The following UQCC1 variants were observed in gnomAD, a reference collection of about 807,000 sequenced individuals.
UQCC1 encodes the protein ubiquinol-cytochrome c reductase complex assembly factor 1, also known as bFGF-repressed Zic-binding protein.
Under a neutral mutation model 48.0 loss-of-function variants are expected in UQCC1, and 38 were observed. That is an observed-to-expected ratio of 0.79 (90% CI 0.61 to 1.04). The LOEUF is 1.04. Ranked by LOEUF, UQCC1 falls within the 50% of genes least tolerant of loss-of-function variation. The pLI is 0.00. For synonymous variants in UQCC1, 111 were observed against 129.2 expected (o/e 0.86, Z 0.95); for missense variants, 368 against 381.8 (o/e 0.96, Z 0.30).
At chr20:35,371,570 G>C (rs1330801867) in intron 5 of UQCC1, among the ~76,000 whole-genome samples, 1 of 151,682 alleles carries the variant, frequency 6.6e-6, no homozygotes, top group Non-Finnish European at 1.5e-5. Context: ...GACCTCAAGT[G>C]ATTCACCCAC....
chr20:35,394,211 T>C lies in UQCC1; in HGVS notation c.25-15A>G. The C allele has an allele frequency of 6.2e-7, 1 of 1,602,868 alleles. No individual in the cohort carries two copies. Among genetic ancestry groups the C allele is most frequent in the East Asian group, 2.2e-5 (1 of 44,800 alleles). On this transcript the variant is annotated splice_polypyrimidine_tract_variant and intron_variant, in intron 1 of 9. Coordinates refer to ENST00000374385, the MANE Select transcript of UQCC1 (RefSeq NM_018244.5). ...GTCTGGTTCCTCTAAAGAAAGAAAATAATAATCTGTCAGGAATCTAAATCA... is the reference window on the plus strand; with the variant it reads ...GTCTGGTTCCTCTAAAGAAAGAAAACAATAATCTGTCAGGAATCTAAATCA...
chr20:35,366,693 C>A (rs943709686), intron 5 of UQCC1, 79 bp from the exon 6 acceptor site: 9 of 1,262,140 alleles, frequency 7.1e-6, no homozygotes, highest in South Asian at 6.3e-5. Flanking sequence ...TTGGCAGGCA[C>A]GGCACTTATG....
intron 4 of UQCC1, among the ~76,000 whole-genome samples, chr20:35,378,169 C>T (rs898180324): frequency 2.0e-5 from 3 of 152,160 alleles, no homozygotes; most frequent in African/African-American, 7.2e-5. Context: ...TTTTAGAAGA[C>T]TTCATCAGTC....
intron 4 of UQCC1, among the ~76,000 whole-genome samples, chr20:35,380,161 A>G (rs1291070375): frequency 2.6e-5 from 4 of 152,212 alleles, no homozygotes; most frequent in Non-Finnish European, 5.9e-5. Flanking sequence ...AACAAAACAT[A>G]TACTTTAAGT....
At chr20:35,361,948 T>C (rs1430060527) in intron 6 of UQCC1, among the ~76,000 whole-genome samples, 1 of 152,228 alleles carries the variant, frequency 6.6e-6, no homozygotes, top group African/African-American at 2.4e-5. Flanking sequence ...TCCAATTTTA[T>C]TTGTTCCATT....
chr20:35,382,059 T>C (rs2061876586), intron 3 of UQCC1, 34 bp from the exon 4 acceptor site: 2 of 1,425,070 alleles, frequency 1.4e-6, no homozygotes, highest in Non-Finnish European at 9.7e-7. Flanking sequence ...CTAAAATTAG[T>C]TGCAAAAAAT....
At chr20:35,353,627 C>T (rs1159148402) in intron 6 of UQCC1, among the ~76,000 whole-genome samples, 1 of 151,672 alleles carries the variant, frequency 6.6e-6, no homozygotes, top group Non-Finnish European at 1.5e-5. Flanking sequence ...CCCACCTCTA[C>T]AAAAAAACGT....
intron 6 of UQCC1, 46 bp from the exon 7 acceptor site, chr20:35,347,318 C>G (rs1412435257): frequency 6.2e-7 from 1 of 1,605,742 alleles, no homozygotes; most frequent in Non-Finnish European, 8.5e-7. Flanking sequence ...TTGCATTTTT[C>G]ACATCACACA....
chr20:35,328,638 C>T (rs1454646286), intron 7 of UQCC1, among the ~76,000 whole-genome samples: 1 of 152,158 alleles, frequency 6.6e-6, no homozygotes, highest in African/African-American at 2.4e-5. Context: ...CTCTCAACTA[C>T]TCTGTGATAC....
At chr20:35,311,451 G>A (rs1201004323) in intron 8 of UQCC1, among the ~76,000 whole-genome samples, 5 of 152,204 alleles carry the variant, frequency 3.3e-5, no homozygotes, top group Non-Finnish European at 2.9e-5. Flanking sequence ...TAGTAACTGA[G>A]TACCTGAGGA....
At chr20:35,362,702 G>A (rs971351910) in intron 6 of UQCC1, among the ~76,000 whole-genome samples, 4 of 152,088 alleles carry the variant, frequency 2.6e-5, no homozygotes, top group Non-Finnish European at 5.9e-5. Context: ...ACATTAAGGA[G>A]TGAGTGCATG....
At chr20:35,369,894 C>T (rs1234605842) in intron 5 of UQCC1, among the ~76,000 whole-genome samples, 2 of 152,082 alleles carry the variant, frequency 1.3e-5, no homozygotes, top group African/African-American at 4.8e-5. Flanking sequence ...CATTAAGGAG[C>T]CTCCTCTCCA....
intron 8 of UQCC1, among the ~76,000 whole-genome samples, chr20:35,310,518 T>C (rs1289279376): frequency 6.6e-6 from 1 of 151,250 alleles, no homozygotes; most frequent in African/African-American, 2.4e-5. Flanking sequence ...TGGTGGCGCC[T>C]GCCTCTAGTC....
chr20:35,403,976 G>C (rs1458589641), intron 1 of UQCC1, among the ~76,000 whole-genome samples: 1 of 152,102 alleles, frequency 6.6e-6, no homozygotes, highest in Non-Finnish European at 1.5e-5. Flanking sequence ...GGTGGCTCAT[G>C]CCTGTAATCC....
rs187058538 is a variant in UQCC1, at chr20:35,324,579, G to C, written c.574-9814C>G. On this transcript the variant is annotated intron_variant, in intron 7 of 9. Coordinates refer to ENST00000374385, the MANE Select transcript of UQCC1 (RefSeq NM_018244.5). The stretch of plus-strand genomic sequence containing the variant: ...CTGACCTTGTGATCTGCCCGCCTTG[G>C]CCTCCCAAAGTGCTGGGATTACAGG... Among the ~76,000 whole-genome samples the C allele has an allele frequency of 5.9e-5, 9 of 152,322 alleles. No homozygotes were observed. The South Asian group carries it at 6.2e-4, about 11-fold the overall frequency.
intron 7 of UQCC1, among the ~76,000 whole-genome samples, chr20:35,323,862 T>C (rs1483826510): frequency 2.0e-5 from 3 of 152,246 alleles, no homozygotes; most frequent in Admixed American, 6.5e-5. Flanking sequence ...CCTAGAATGC[T>C]GTCCTCTCAT....
chr20:35,308,053 C>T (rs189216442), intron 8 of UQCC1, among the ~76,000 whole-genome samples: 12 of 152,334 alleles, frequency 7.9e-5, no homozygotes, highest in Admixed American at 7.2e-4. Flanking sequence ...GTAAACATTA[C>T]CCAAAGACCC....
rs534260128 is a variant in UQCC1 at position 35,326,171 on chromosome 20, C to T, written c.574-11406G>A. 5.3e-5 allele frequency among the ~76,000 whole-genome samples: 8 copies of T among 152,192 alleles called. No individual in the cohort carries two copies. The East Asian group carries it at 1.5e-3, about 29-fold the overall frequency. Reference sequence around the variant, plus strand: ...GAACTGAAACAATGTGAAGTGACAACACGAACAAAGAGGAAGGCATGCTTT... The same window carrying T: ...GAACTGAAACAATGTGAAGTGACAATACGAACAAAGAGGAAGGCATGCTTT... On this transcript the variant is annotated intron_variant, in intron 7 of 9. Coordinates refer to ENST00000374385, the MANE Select transcript of UQCC1 (RefSeq NM_018244.5).
At chr20:35,366,143 G>A (rs563679520) in intron 6 of UQCC1, among the ~76,000 whole-genome samples, 10 of 152,152 alleles carry the variant, frequency 6.6e-5, no homozygotes, top group Admixed American at 1.3e-4. Flanking sequence ...AGGTACAGGC[G>A]TAAATGTCAG....
Sources: gnomAD v4.1 joint callset for allele counts (sites outside exome capture counted in the v4.1 genomes callset) on GRCh38, gnomAD v4.1.1 for gene constraint, MANE v1.5 for transcripts, NCBI Gene and HGNC (gene_info 2026-07-23, HGNC 2026-07-21) for gene names.